The following PLEKHH1 variants were observed in gnomAD, a reference collection of about 807,000 sequenced individuals.
PLEKHH1 encodes the protein pleckstrin homology domain-containing family H member 1.
A neutral mutation model predicts 160.0 loss-of-function variants in PLEKHH1; 104 were observed. The ratio of observed to expected loss-of-function variants is 0.65; its 90% CI spans 0.55 to 0.76. The LOEUF is 0.76. Ranked by LOEUF, PLEKHH1 falls within the 30% of genes least tolerant of loss-of-function variation. PLEKHH1 has a pLI of 0.00. For missense variants in PLEKHH1, 1,427 were observed against 1,724.1 expected (o/e 0.83, Z 3.05); for synonymous variants, 619 against 678.4 (o/e 0.91, Z 1.36).
chr14:67,546,516 G>A lies in PLEKHH1; in HGVS notation c.126+4523G>A, dbSNP rs376048077. 3.4e-4 allele frequency among the ~76,000 whole-genome samples: 51 copies of A among 152,116 alleles called. 1 individual carries two copies. The East Asian group carries it at 8.3e-3, about 25-fold the overall frequency. ...AGCGATTCTCCTGCCTTAGCCTCCC[G>A]AGTAGCTGGGATTACAGGCGCGCGC... On this transcript the variant is annotated intron_variant, in intron 2 of 28. Transcript: ENST00000329153.
At chr14:67,570,295 C>G in intron 9 of PLEKHH1, 1 of 976,906 alleles carries the variant, frequency 1.0e-6, no homozygotes, top group Non-Finnish European at 1.2e-6. Context: ...TGCCTCACTC[C>G]TCAGGTCCCA....
At chr14:67,542,550 C>A (rs1348559044) in intron 2 of PLEKHH1, among the ~76,000 whole-genome samples, 7 of 152,132 alleles carry the variant, frequency 4.6e-5, no homozygotes, top group Non-Finnish European at 8.8e-5. Context: ...TATATCAGAT[C>A]ACATATGTAA....
At position 67,562,849 on chromosome 14, in the gene PLEKHH1, G is replaced by A. The variant is rs1298536724; in HGVS notation, c.1218G>A (p.Leu406=). 1 of 1,613,586 alleles carries A rather than the reference G, an allele frequency of 6.2e-7. No individual in the cohort carries two copies. Among genetic ancestry groups the A allele is most frequent in the Non-Finnish European group, 8.5e-7 (1 of 1,179,828 alleles). The part of the protein sequence containing the change: ...ALGAELEEVE[L]GNKPPTPPLH... ...GAGCTGAGCTGGAGGAAGTGGAGCT[G>A]GGTAACAAGCCACCTACACCCCCGC... Residue 406 remains leucine, a synonymous_variant, in exon 7 of 29, where the codon CTG becomes CTA. Transcript: ENST00000329153.
chr14:67,540,795 G>A (rs1376904320), intron 1 of PLEKHH1, among the ~76,000 whole-genome samples: 2 of 152,084 alleles, frequency 1.3e-5, no homozygotes, highest in Non-Finnish European at 2.9e-5. Context: ...CCTGATGATG[G>A]ATGTGTCTCC....
At chr14:67,586,986 G>A in intron 28 of PLEKHH1, 88 bp from the exon 29 acceptor site, 1 of 1,531,964 alleles carries the variant, frequency 6.5e-7, no homozygotes, top group Non-Finnish European at 8.8e-7. Flanking sequence ...CTGAGGCCCA[G>A]GAACTCAGCA....
In PLEKHH1 at chr14:67,588,585, T is replaced by C. The variant is rs961278193; in HGVS notation, c.*1350T>C. On this transcript the variant is annotated 3_prime_UTR_variant, in exon 29 of 29. Coordinates refer to ENST00000329153, the MANE Select transcript of PLEKHH1 (RefSeq NM_020715.3). The stretch of plus-strand genomic sequence containing the variant: ...GTGCAGAGGAGACTAGACAGTCTCC[T>C]CTAGACAGGTTGTAGACACACCCTC... The C allele has an allele frequency of 7.2e-5, 11 of 152,062 alleles. No homozygotes were observed. Among genetic ancestry groups the C allele is most frequent in the Non-Finnish European group, 1.0e-4 (7 of 68,016 alleles). The allele number at this position is 152,062 out of a possible 1,614,324, so 9.4% of individuals were successfully genotyped here. A position where few individuals can be genotyped will look rare whatever the true frequency, so the allele number is the denominator to read the frequency against.
intron 2 of PLEKHH1, among the ~76,000 whole-genome samples, chr14:67,552,773 A>C (rs2034447161): frequency 6.6e-6 from 1 of 151,292 alleles, no homozygotes; most frequent in South Asian, 2.1e-4. Context: ...TCTCAAAAAA[A>C]AAAAACAAAA....
chr14:67,567,859 T>C (rs1028212241), intron 7 of PLEKHH1, among the ~76,000 whole-genome samples: 1 of 152,244 alleles, frequency 6.6e-6, no homozygotes, highest in Non-Finnish European at 1.5e-5. Flanking sequence ...CCTTGGTGAC[T>C]CACGTCACCT....
chr14:67,562,135 A>C lies in PLEKHH1; in HGVS notation c.506-2A>C. ...ATGTGACTGTTTTTACCCGAATCAC[A>C]GCTATTCAGATAGCTCCTTCACGGA... On this transcript the variant is annotated splice_acceptor_variant, in intron 6 of 28. Transcript: ENST00000329153. LOFTEE classifies it high-confidence loss of function. The C allele has an allele frequency of 6.2e-7, 1 of 1,611,494 alleles. No homozygotes were observed. The highest frequency in any genetic ancestry group is 8.5e-7 in the Non-Finnish European group (1 of 1,178,174).
chr14:67,584,266 C>T, intron 26 of PLEKHH1, 142 bp downstream of exon 26: 2 of 746,346 alleles, frequency 2.7e-6, no homozygotes, highest in Admixed American at 2.6e-5. Flanking sequence ...TGGCCTAGTC[C>T]AGCTTTCCAC....
At chr14:67,559,770 A>C in intron 5 of PLEKHH1, 79 bp downstream of exon 5, 2 of 908,056 alleles carry the variant, frequency 2.2e-6, no homozygotes, top group Non-Finnish European at 3.6e-6. Context: ...CCTGCCCCCT[A>C]CTGTCTAGGG....
intron 2 of PLEKHH1, among the ~76,000 whole-genome samples, chr14:67,553,126 C>A (rs1345403399): frequency 6.6e-6 from 1 of 151,768 alleles, no homozygotes; most frequent in Admixed American, 6.6e-5. Context: ...ACAAGTTTTT[C>A]CATCAGATGA....
At chr14:67,544,895 A>G (rs2034116367) in intron 2 of PLEKHH1, among the ~76,000 whole-genome samples, 1 of 152,220 alleles carries the variant, frequency 6.6e-6, no homozygotes, top group Non-Finnish European at 1.5e-5. Flanking sequence ...GTATCTATCA[A>G]GTAAGATTCC....
intron 1 of PLEKHH1, among the ~76,000 whole-genome samples, chr14:67,540,728 T>C (rs1039117126): frequency 2.0e-5 from 3 of 152,192 alleles, no homozygotes; most frequent in Non-Finnish European, 4.4e-5. Flanking sequence ...AGACCAAATT[T>C]ATACTTTTTG....
intron 10 of PLEKHH1, 99 bp from the exon 11 acceptor site, chr14:67,572,036 G>T: frequency 6.7e-7 from 1 of 1,489,540 alleles, no homozygotes; most frequent in South Asian, 1.3e-5. Flanking sequence ...CAGCCCCAGA[G>T]ACCGGGTCCC....
In PLEKHH1 at chr14:67,573,718, G is replaced by A. The variant is rs138229818; in HGVS notation, c.1840-83G>A. 34 of 894,204 alleles carry A rather than the reference G, an allele frequency of 3.8e-5. No homozygotes were observed. Among genetic ancestry groups the A allele is most frequent in the African/African-American group, 2.0e-4 (12 of 61,324 alleles). The allele number at this position is 894,204 out of a possible 1,614,324, so 55.4% of individuals were successfully genotyped here. A position where few individuals can be genotyped will look rare whatever the true frequency, so the allele number is the denominator to read the frequency against. ...AATCATGTTTCCCTTTGCTTATGAC[G>A]TGGAGGAAGATCTGAGGGTAAATGA... On this transcript the variant is annotated intron_variant, in intron 12 of 28. Coordinates refer to ENST00000329153, the MANE Select transcript of PLEKHH1 (RefSeq NM_020715.3). The surrounding 1 kb of genome is among the most constrained non-coding windows in gnomAD (Gnocchi z 4.8).
Position 67,582,046 on chromosome 14 carries a change from G to A in PLEKHH1, c.3285-23G>A, listed in dbSNP as rs1200418121. ...TGTTTGGAATCCCTGCTGAGTCCTG[G>A]TTTCTTATTCTCTTCTTTGTAGGCT... On this transcript the variant is annotated intron_variant, in intron 23 of 28. Transcript: ENST00000329153. The surrounding 1 kb of genome is among the most constrained non-coding windows in gnomAD (Gnocchi z 5.0). 3 of 1,599,436 alleles carry A rather than the reference G, an allele frequency of 1.9e-6. No homozygotes were observed. Among genetic ancestry groups the A allele is most frequent in the South Asian group, 2.3e-5 (2 of 88,770 alleles).
At chr14:67,534,220 C>T (rs891476971) in intron 1 of PLEKHH1, among the ~76,000 whole-genome samples, 1 of 152,074 alleles carries the variant, frequency 6.6e-6, no homozygotes, top group Non-Finnish European at 1.5e-5. Flanking sequence ...TATAGAACAT[C>T]GGTATTAGTG....
Position 67,573,933 on chromosome 14 carries a change from G to A in PLEKHH1, c.1926+46G>A, listed in dbSNP as rs74057882. On this transcript the variant is annotated intron_variant, in intron 13 of 28. Coordinates refer to ENST00000329153, the MANE Select transcript of PLEKHH1 (RefSeq NM_020715.3). The surrounding 1 kb of genome is among the most constrained non-coding windows in gnomAD (Gnocchi z 4.8). Reference sequence around the variant, plus strand: ...TAGTATTTTAAACAGAAGAGGTGCTGGGTTTGGATATGGCCGTGAGTGAGA... The same window carrying A: ...TAGTATTTTAAACAGAAGAGGTGCTAGGTTTGGATATGGCCGTGAGTGAGA... 2.3e-3 allele frequency: 3,175 copies of A among 1,401,534 alleles called. 60 individuals are homozygous for A. The African/African-American group carries it at 0.038, about 17-fold the overall frequency. 86.8% of individuals were successfully genotyped at this position (1,401,534 alleles called of 1,614,324 possible).
Sources: allele counts gnomAD v4.1 joint callset (sites outside exome capture counted in the v4.1 genomes callset), GRCh38; gene constraint gnomAD v4.1.1; non-coding constraint Gnocchi (gnomAD v3.1); transcripts MANE v1.5; gene names NCBI Gene and HGNC (gene_info 2026-07-23, HGNC 2026-07-21).